PKHD1L1: variants seen among roughly 807,000 people sequenced by gnomAD.
PKHD1L1 encodes fibrocystin-L.
In PKHD1L1, 434 loss-of-function variants were observed where a neutral mutation model predicts 462.9. That is an observed-to-expected ratio of 0.94 (90% CI 0.87 to 1.02). The LOEUF (loss-of-function observed/expected upper bound fraction) is 1.02. PKHD1L1 is among the 50% of genes least tolerant of loss of function. PKHD1L1 has a pLI of 0.00. For synonymous variants in PKHD1L1, 1,781 were observed against 1,750.0 expected (o/e 1.02, Z -0.44); for missense variants, 5,202 against 5,096.1 (o/e 1.02, Z -0.63).
intron 6 of PKHD1L1, among the ~76,000 whole-genome samples, 162 bp downstream of exon 6, chr8:109,385,792 G>A (rs1812413630): frequency 6.6e-6 from 1 of 151,710 alleles, no homozygotes; most frequent in Admixed American, 6.6e-5. Flanking sequence ...ACTATTGGAA[G>A]ATTCATTGAC....
chr8:109,375,338 G>A (rs1271960757), intron 2 of PKHD1L1, among the ~76,000 whole-genome samples: 4 of 152,170 alleles, frequency 2.6e-5, no homozygotes, highest in Non-Finnish European at 5.9e-5. Flanking sequence ...TTGTGCCATG[G>A]TTTTCAGCTC....
chr8:109,408,103 A>C lies in PKHD1L1; in HGVS notation c.1868A>C (p.Asp623Ala). 6.2e-7 allele frequency: 1 copy of C among 1,613,276 alleles called. No individual in the cohort carries two copies. ...GTTGAAGGGAATAATGTCACACTGG[A>C]TATTACAGAACAAACCAAAGGAAAA... ...EVVEGNNVTL[D>A]ITEQTKGKPN... The change falls in exon 18 of 78, where the codon GAT becomes GCT. Residue 623 changes from aspartate to alanine, a missense_variant. This residue lies in a region of PKHD1L1 where 4,497 missense variants were observed against 4,336.8 expected (regional missense o/e 1.04). Transcript: ENST00000378402.
chr8:109,445,903 T>C (rs1404950044), intron 38 of PKHD1L1, among the ~76,000 whole-genome samples: 1 of 152,138 alleles, frequency 6.6e-6, no homozygotes, highest in Non-Finnish European at 1.5e-5. Context: ...AAATTTCAAA[T>C]GAGGAAAAAA....
intron 14 of PKHD1L1, among the ~76,000 whole-genome samples, chr8:109,403,259 C>G (rs1813365733): frequency 1.3e-5 from 2 of 152,136 alleles, no homozygotes; most frequent in South Asian, 4.1e-4. Context: ...TCAAGTCTTT[C>G]CAAAGGTAGC....
chr8:109,401,443 A>G, intron 13 of PKHD1L1, 54 bp from the exon 14 acceptor site: 1 of 900,850 alleles, frequency 1.1e-6, no homozygotes, highest in Non-Finnish European at 1.8e-6. Flanking sequence ...TAAATGTTGA[A>G]AAGGTCTATT....
At position 109,481,415 on chromosome 8, in the gene PKHD1L1, T is replaced by C. The variant is rs777372950; in HGVS notation, c.9328-18T>C. ...CTGGTCAATTTTTAAGTATTAACAA[T>C]TTTCTGCTTCATTTCAGGGAGGTAG... On this transcript the variant is annotated intron_variant, in intron 55 of 77. Coordinates refer to ENST00000378402, the MANE Select transcript of PKHD1L1 (RefSeq NM_177531.6). 2.4e-5 allele frequency: 37 copies of C among 1,564,776 alleles called. No homozygotes were observed. The highest frequency in any genetic ancestry group is 2.1e-4 in the South Asian group (17 of 82,900).
In PKHD1L1 at chr8:109,520,277, T is replaced by A. The variant is rs113419627; in HGVS notation, c.12031+1769T>A. On this transcript the variant is annotated intron_variant, in intron 73 of 77. Coordinates refer to ENST00000378402, the MANE Select transcript of PKHD1L1 (RefSeq NM_177531.6). ...GACTCAGCATGACTTTGCCTGTTATTTTAGGAGTTGTAAAGGGCCCATGGC... is the reference window on the plus strand; with the variant it reads ...GACTCAGCATGACTTTGCCTGTTATATTAGGAGTTGTAAAGGGCCCATGGC... Among the ~76,000 whole-genome samples the A allele has an allele frequency of 1.7e-3, 255 of 152,180 alleles. 2 individuals carry two copies. Among genetic ancestry groups the A allele is most frequent in the African/African-American group, 5.9e-3 (244 of 41,552 alleles).
intron 2 of PKHD1L1, among the ~76,000 whole-genome samples, chr8:109,378,126 G>A (rs904295990): frequency 1.3e-5 from 2 of 152,126 alleles, no homozygotes; most frequent in Admixed American, 6.6e-5. Flanking sequence ...CTCTGCTCCT[G>A]TTTGTAATTA....
At chr8:109,457,665 A>T (rs1168868507) in intron 46 of PKHD1L1, among the ~76,000 whole-genome samples, 1 of 152,152 alleles carries the variant, frequency 6.6e-6, no homozygotes, top group Non-Finnish European at 1.5e-5. Flanking sequence ...TGGTATTAGT[A>T]AGGATTACAT....
chr8:109,421,815 G>T (rs1814489344), intron 23 of PKHD1L1, among the ~76,000 whole-genome samples: 1 of 152,006 alleles, frequency 6.6e-6, no homozygotes, highest in South Asian at 2.1e-4. Flanking sequence ...CTAATTCAAG[G>T]CTCTGTATTC....
intron 65 of PKHD1L1, 128 bp downstream of exon 65, chr8:109,497,400 T>C (rs1586625031): frequency 9.0e-7 from 1 of 1,113,424 alleles, no homozygotes; most frequent in Non-Finnish European, 1.2e-6. Flanking sequence ...CCTGCCTTTG[T>C]TCCCACTGCC....
chr8:109,408,245 C>A (rs982676265), intron 18 of PKHD1L1, 39 bp downstream of exon 18: 8 of 1,547,528 alleles, frequency 5.2e-6, no homozygotes, highest in Non-Finnish European at 7.0e-6. Flanking sequence ...ATTTTCCCTG[C>A]ACCCTCTCAC....
Position 109,436,430 on chromosome 8 carries a change from T to C in PKHD1L1, c.3598T>C (p.Leu1200=). 6.2e-7 allele frequency: 1 copy of C among 1,613,388 alleles called. No homozygotes were observed. The highest frequency in any genetic ancestry group is 8.5e-7 in the Non-Finnish European group (1 of 1,179,692). ...AACCTGCAATGTGATTGAAGGGGAT[T>C]TGAATAGGATAACCTGCAGGACACC... ...NETCNVIEGD[L]NRITCRTPKK... Residue 1200 remains leucine (L), a synonymous_variant, in exon 30 of 78, where the codon TTG becomes CTG. Transcript: ENST00000378402.
chr8:109,408,428 A>AC, intron 18 of PKHD1L1, among the ~76,000 whole-genome samples: 1 of 152,186 alleles, frequency 6.6e-6, no homozygotes, highest in Non-Finnish European at 1.5e-5. Context: ...CAGACAAGGC[A>AC]TATCTCAAAG....
intron 62 of PKHD1L1, 73 bp downstream of exon 62, chr8:109,492,067 GCTAA>G (rs1818858077): frequency 1.7e-6 from 2 of 1,199,354 alleles, no homozygotes; most frequent in Non-Finnish European, 2.2e-6. Context: ...AATAAAATGA[GCTAA>G]CTAAAGGAGT....
At chr8:109,464,147 T>C (rs1018368880) in intron 48 of PKHD1L1, 69 bp from the exon 49 acceptor site, 7 of 1,080,128 alleles carry the variant, frequency 6.5e-6, no homozygotes, top group Non-Finnish European at 8.4e-6. Context: ...TAGATATTTT[T>C]TGAAACAAGA....
intron 2 of PKHD1L1, among the ~76,000 whole-genome samples, chr8:109,370,267 C>A (rs1298241550): frequency 2.0e-5 from 3 of 151,950 alleles, no homozygotes; most frequent in Admixed American, 6.6e-5. Context: ...TACAGGGCAC[C>A]ACTGCATCTG....
chr8:109,404,625 G>T lies in PKHD1L1; in HGVS notation c.1445G>T (p.Arg482Leu), dbSNP rs868099005. ...GTTGATGTTGGACTGTACCAGTATC[G>T]AAATGTTTATACTGAACAACAAACA... ...AFVDVGLYQY[R>L]NVYTEQQTGD... The change falls in exon 15 of 78, where the codon CGA becomes CTA. Residue 482 changes from arginine (R) to leucine (L), a missense_variant. Transcript: ENST00000378402. 1.2e-6 allele frequency: 2 copies of T among 1,607,526 alleles called. No homozygotes were observed. Among genetic ancestry groups the T allele is most frequent in the Non-Finnish European group, 1.7e-6 (2 of 1,176,384 alleles).
At chr8:109,364,509 G>T in intron 1 of PKHD1L1, 38 bp from the exon 2 acceptor site, 1 of 1,360,152 alleles carries the variant, frequency 7.4e-7, no homozygotes, top group South Asian at 1.3e-5. Context: ...TGAAGAACTT[G>T]GTGATTTTTA....
Sources: allele counts gnomAD v4.1 joint callset (sites outside exome capture counted in the v4.1 genomes callset), GRCh38; gene constraint gnomAD v4.1.1; regional missense constraint gnomAD v4.1.1; transcripts MANE v1.5; gene names NCBI Gene and HGNC (gene_info 2026-07-23, HGNC 2026-07-21).